Variants in EPC2 observed in about 807,000 individuals in gnomAD.
EPC2 encodes the protein enhancer of polycomb 2.
In EPC2, 14 loss-of-function variants were observed where a neutral mutation model predicts 92.1. The ratio of observed to expected loss-of-function variants is 0.15; its 90% CI spans 0.10 to 0.24. EPC2 has a LOEUF of 0.24. Ranked by LOEUF, EPC2 falls within the 10% of genes least tolerant of loss-of-function variation. The pLI is 1.00. For missense variants in EPC2, 755 were observed against 971.5 expected, an observed-to-expected ratio of 0.78 and a Z score of 2.96; for synonymous variants, 340 against 334.7, an observed-to-expected ratio of 1.02 and a Z score of -0.17.
chr2:148,761,735 G>A (rs1400712798), intron 4 of EPC2, 47 bp from the exon 5 acceptor site: 1 of 1,289,586 alleles, frequency 7.8e-7, no homozygotes, highest in Admixed American at 3.3e-5. Flanking sequence ...AGCCGGAAAT[G>A]TAGATAACTG....
chr2:148,785,639 T>C (rs1019201982), intron 13 of EPC2, among the ~76,000 whole-genome samples: 2 of 152,164 alleles, frequency 1.3e-5, no homozygotes, highest in Non-Finnish European at 2.9e-5. Flanking sequence ...TTTTATAGTT[T>C]AGGCAGTCTG....
chr2:148,658,554 G>A (rs1415032338), intron 1 of EPC2, among the ~76,000 whole-genome samples: 1 of 151,494 alleles, frequency 6.6e-6, no homozygotes, highest in Non-Finnish European at 1.5e-5. Context: ...GCAAGTAGGC[G>A]AATTTGCAAA....
At chr2:148,663,998 A>C (rs908821845) in intron 1 of EPC2, among the ~76,000 whole-genome samples, 10 of 151,950 alleles carry the variant, frequency 6.6e-5, no homozygotes, top group Admixed American at 4.6e-4. Flanking sequence ...TATATAGTAC[A>C]TGTTTTCAGT....
At chr2:148,708,320 A>G (rs1682053629) in intron 2 of EPC2, among the ~76,000 whole-genome samples, 1 of 152,222 alleles carries the variant, frequency 6.6e-6, no homozygotes, top group Non-Finnish European at 1.5e-5. Context: ...TGAATAGACC[A>G]ATAACAGGCT....
At chr2:148,682,518 T>C (rs1681419549) in intron 1 of EPC2, among the ~76,000 whole-genome samples, 1 of 152,200 alleles carries the variant, frequency 6.6e-6, no homozygotes, top group Non-Finnish European at 1.5e-5. Flanking sequence ...TAAAACTAAA[T>C]ATGTTTTGAA....
In EPC2 at chr2:148,777,677, C is replaced by CA. The variant is rs1373992122; in HGVS notation, c.1721-3966dup. 3.3e-5 allele frequency among the ~76,000 whole-genome samples: 5 copies of CA among 152,194 alleles called. No individual in the cohort carries two copies. The East Asian group carries it at 7.7e-4, about 24-fold the overall frequency. On this transcript the variant is annotated intron_variant, in intron 10 of 13. Transcript: ENST00000258484. ...TGTTTTTAGTTGATCACTAAAAAGTCACCCTAAGCAGAGCACCATACAGGA... is the reference window on the plus strand; with the variant it reads ...TGTTTTTAGTTGATCACTAAAAAGTCAACCCTAAGCAGAGCACCATACAGGA...
rs186748075 is a variant in EPC2 at position 148,759,292 on chromosome 2, C to T, written c.667-2490C>T. Among the ~76,000 whole-genome samples the T allele has an allele frequency of 4.9e-3, 740 of 152,062 alleles. 4 individuals carry two copies. Among genetic ancestry groups the T allele is most frequent in the Non-Finnish European group, 7.7e-3 (525 of 67,976 alleles). On this transcript the variant is annotated intron_variant, in intron 4 of 13. Transcript: ENST00000258484. ...ATTTTTAGTAGAGACAGGGTTTTAC[C>T]ATGTTGGCCAGGCTGGTCTCGAATT...
intron 7 of EPC2, 87 bp from the exon 8 acceptor site, chr2:148,769,064 T>C (rs896328514): frequency 2.2e-6 from 2 of 890,354 alleles, no homozygotes; most frequent in Admixed American, 4.1e-5. Context: ...GATTTACTGT[T>C]TGTGATCAGA....
chr2:148,661,507 T>C (rs1244808733), intron 1 of EPC2, among the ~76,000 whole-genome samples: 1 of 152,176 alleles, frequency 6.6e-6, no homozygotes, highest in Non-Finnish European at 1.5e-5. Flanking sequence ...TCTAATTACA[T>C]TTCCCTGTTG....
At chr2:148,663,510 G>A (rs1003983876) in intron 1 of EPC2, among the ~76,000 whole-genome samples, 12 of 150,386 alleles carry the variant, frequency 8.0e-5, no homozygotes. Context: ...GAGCCACTGC[G>A]CCCAGCCAAG....
chr2:148,690,029 T>C (rs1475793323), intron 1 of EPC2, among the ~76,000 whole-genome samples, 185 bp from the exon 2 acceptor site: 3 of 152,220 alleles, frequency 2.0e-5, no homozygotes, highest in Non-Finnish European at 2.9e-5. Flanking sequence ...TAAGGTGTTA[T>C]CAGTATGAGC....
intron 2 of EPC2, among the ~76,000 whole-genome samples, chr2:148,701,106 A>G (rs72862693): frequency 2.0e-4 from 31 of 152,308 alleles, no homozygotes; most frequent in Non-Finnish European, 3.7e-4. Flanking sequence ...TGACTTTTGT[A>G]TATTAACTTT....
At chr2:148,668,719 T>C (rs1448354582) in intron 1 of EPC2, among the ~76,000 whole-genome samples, 3 of 152,226 alleles carry the variant, frequency 2.0e-5, no homozygotes. Context: ...AGTTCAGATA[T>C]TCTCTGGAGT....
chr2:148,683,149 T>C (rs1337785086), intron 1 of EPC2, among the ~76,000 whole-genome samples: 1 of 152,050 alleles, frequency 6.6e-6, no homozygotes, highest in African/African-American at 2.4e-5. Flanking sequence ...AGTCCTTTAG[T>C]AGTGATTTCT....
At chr2:148,708,747 G>A (rs6750896) in intron 2 of EPC2, among the ~76,000 whole-genome samples, 27,805 of 151,966 alleles carry the variant, frequency 0.18, 3,281 homozygotes, top group East Asian at 0.49. Flanking sequence ...CAAAAACCAC[G>A]TGATTATCTC....
intron 2 of EPC2, among the ~76,000 whole-genome samples, chr2:148,726,263 G>A (rs1353241251): frequency 1.3e-5 from 2 of 152,130 alleles, no homozygotes; most frequent in Non-Finnish European, 2.9e-5. Context: ...ACATGGATGT[G>A]GACACGTCTC....
intron 2 of EPC2, among the ~76,000 whole-genome samples, chr2:148,706,153 T>C (rs1226527578): frequency 2.0e-5 from 3 of 152,174 alleles, no homozygotes; most frequent in Non-Finnish European, 2.9e-5. Flanking sequence ...AGAGAAGACC[T>C]TAAATGACCT....
chr2:148,661,445 A>G (rs978207404), intron 1 of EPC2, among the ~76,000 whole-genome samples: 3 of 152,150 alleles, frequency 2.0e-5, no homozygotes, highest in Non-Finnish European at 2.9e-5. Context: ...GTTAGATACC[A>G]TATCACCACC....
chr2:148,649,967 TAGC>T (rs1267224411), intron 1 of EPC2, among the ~76,000 whole-genome samples: 1 of 152,224 alleles, frequency 6.6e-6, no homozygotes. Context: ...TCTTTTTTCT[TAGC>T]AGTTTGTGAA....
Sources: gnomAD v4.1 joint callset for allele counts (sites outside exome capture counted in the v4.1 genomes callset) on GRCh38, gnomAD v4.1.1 for gene constraint, MANE v1.5 for transcripts, NCBI Gene and HGNC (gene_info 2026-07-23, HGNC 2026-07-21) for gene names.